PCDH15: variants seen among roughly 807,000 people sequenced by gnomAD.
The protein encoded by PCDH15 is protocadherin-15.
In PCDH15, 129 loss-of-function variants were observed where a neutral mutation model predicts 178.5. The ratio of observed to expected loss-of-function variants is 0.72; its 90% confidence interval spans 0.63 to 0.84. The LOEUF is 0.84. Among genes scored for constraint, PCDH15 ranks in the 40% least tolerant of loss-of-function variants. PCDH15 has a pLI of 0.00. For synonymous variants in PCDH15, 800 were observed against 732.0 expected (o/e 1.09, Z -1.50); for missense variants, 2,230 against 2,099.9 (o/e 1.06, Z -1.21).
chr10:54,489,005 G>T (rs1322257974), intron 3 of PCDH15, among the ~76,000 whole-genome samples: 1 of 151,916 alleles, frequency 6.6e-6, no homozygotes, highest in Non-Finnish European at 1.5e-5. Flanking sequence ...TACTTAGTCT[G>T]ATTTTAACAA....
At chr10:54,853,283 A>ATGTG (rs770984436) in intron 3 of PCDH15, among the ~76,000 whole-genome samples, 4,474 of 75,056 alleles carry the variant, frequency 0.06, 259 homozygotes, top group African/African-American at 0.17. Context: ...ATGTGTATGT[A>ATGTG]TGTGTGTATA....
At position 54,535,526 on chromosome 10, in the gene PCDH15, T is replaced by C. The variant is rs555981402; in HGVS notation, c.92-7649A>G. 1.1e-3 allele frequency among the ~76,000 whole-genome samples: 166 copies of C among 151,824 alleles called. 1 individual carries two copies. Among genetic ancestry groups the C allele is most frequent in the Middle Eastern group, 3.4e-3 (1 of 294 alleles). Reference sequence around the variant, plus strand: ...GAGATCGAGACCATCCTGGCTAACATGGTGAAACCCCATCTCTACTAAAAA... The same window carrying C: ...GAGATCGAGACCATCCTGGCTAACACGGTGAAACCCCATCTCTACTAAAAA... On this transcript the variant is annotated intron_variant, in intron 2 of 37. Coordinates refer to ENST00000644397, the MANE Select transcript of PCDH15 (RefSeq NM_001384140.1).
intron 28 of PCDH15, among the ~76,000 whole-genome samples, chr10:53,841,548 T>C (rs1468397159): frequency 6.6e-6 from 1 of 152,202 alleles, no homozygotes; most frequent in African/African-American, 2.4e-5. Context: ...ATGAGGTTAC[T>C]AAACTTTGGA....
chr10:54,894,133 T>G (rs1271636308), intron 3 of PCDH15, among the ~76,000 whole-genome samples: 3 of 152,116 alleles, frequency 2.0e-5, no homozygotes, highest in Non-Finnish European at 4.4e-5. Flanking sequence ...TCTTGTCCCA[T>G]AGAAACATAG....
At chr10:55,244,196 T>C (rs1841628666) in intron 1 of PCDH15, among the ~76,000 whole-genome samples, 2 of 152,078 alleles carry the variant, frequency 1.3e-5, no homozygotes, top group African/African-American at 4.8e-5. Context: ...TCCATTTCCT[T>C]GTCAAATTGT....
chr10:54,047,361 T>A (rs2093676552), intron 18 of PCDH15, among the ~76,000 whole-genome samples: 1 of 149,234 alleles, frequency 6.7e-6, no homozygotes, highest in Non-Finnish European at 1.5e-5. Flanking sequence ...CACACTGCTG[T>A]GTGTGGTGGG....
At chr10:55,489,913 G>A (rs975614467) in intron 2 of PCDH15, among the ~76,000 whole-genome samples, 2 of 151,444 alleles carry the variant, frequency 1.3e-5, no homozygotes, top group Admixed American at 1.3e-4. Context: ...AACTTAGAAA[G>A]AAGTGTCCAA....
intron 3 of PCDH15, among the ~76,000 whole-genome samples, chr10:54,409,597 T>A (rs781105402): frequency 2.6e-5 from 4 of 152,264 alleles, no homozygotes; most frequent in Admixed American, 2.0e-4. Context: ...TTCACTGCTA[T>A]AACTATTTAC....
At chr10:55,100,032 T>C (rs1284819471) in intron 2 of PCDH15, among the ~76,000 whole-genome samples, 1 of 152,148 alleles carries the variant, frequency 6.6e-6, no homozygotes, top group Non-Finnish European at 1.5e-5. Flanking sequence ...ACACATTCAA[T>C]ACAATTTCCT....
intron 2 of PCDH15, among the ~76,000 whole-genome samples, chr10:54,959,854 G>C (rs1219982879): frequency 6.6e-6 from 1 of 152,076 alleles, no homozygotes; most frequent in Non-Finnish European, 1.5e-5. Context: ...TAGAACAAAA[G>C]TGACTGAAGA....
intron 3 of PCDH15, among the ~76,000 whole-genome samples, chr10:54,496,389 G>A (rs1290155085): frequency 6.6e-6 from 1 of 151,888 alleles, no homozygotes; most frequent in Non-Finnish European, 1.5e-5. Flanking sequence ...TGAAATTAAG[G>A]TCTGGGGTTT....
intron 2 of PCDH15, among the ~76,000 whole-genome samples, chr10:55,516,881 T>C (rs1429528038): frequency 6.6e-6 from 1 of 152,142 alleles, no homozygotes; most frequent in Non-Finnish European, 1.5e-5. Context: ...AAACTGCTCC[T>C]CTGTAATTTT....
At chr10:54,182,989 G>GTTTTTGTTTTTGT (rs2048139239) in intron 13 of PCDH15, among the ~76,000 whole-genome samples, 2 of 149,948 alleles carry the variant, frequency 1.3e-5, no homozygotes, top group Admixed American at 1.3e-4. Context: ...TTTTGTTTTT[G>GTTTTTGTTTTTGT]TTTTTTTTTG....
intron 18 of PCDH15, among the ~76,000 whole-genome samples, chr10:54,061,798 G>T (rs1234432179): frequency 1.6e-5 from 2 of 128,404 alleles, no homozygotes; most frequent in Non-Finnish European, 3.3e-5. Context: ...TGAATAAAAA[G>T]ATAAACATTA....
chr10:55,530,919 A>G (rs1294732856), intron 2 of PCDH15, among the ~76,000 whole-genome samples: 1 of 152,054 alleles, frequency 6.6e-6, no homozygotes, highest in African/African-American at 2.4e-5. Flanking sequence ...TCAACTATAC[A>G]TTCAGTGATG....
chr10:54,999,302 GA>G (rs752314465), intron 2 of PCDH15, among the ~76,000 whole-genome samples: 32 of 72,064 alleles, frequency 4.4e-4, no homozygotes, highest in East Asian at 1.6e-3. Flanking sequence ...AATAAATAAA[GA>G]AAATTTTTTT....
At chr10:55,434,623 T>TG in intron 2 of PCDH15, among the ~76,000 whole-genome samples, 1 of 151,812 alleles carries the variant, frequency 6.6e-6, no homozygotes, top group South Asian at 2.1e-4. Context: ...TTTTTTTTTT[T>TG]GAGACAGAGT....
chr10:55,026,874 A>C (rs1840488557), intron 2 of PCDH15, among the ~76,000 whole-genome samples: 1 of 152,016 alleles, frequency 6.6e-6, no homozygotes, highest in South Asian at 2.1e-4. Flanking sequence ...AGGAGACAGG[A>C]AAGAAATGAC....
chr10:54,491,803 T>C (rs1360889310), intron 3 of PCDH15, among the ~76,000 whole-genome samples: 1 of 152,136 alleles, frequency 6.6e-6, no homozygotes, highest in African/African-American at 2.4e-5. Context: ...GTCTTTGCTA[T>C]CCCTTTTAGG....
Sources: gnomAD v4.1 joint callset for allele counts (sites outside exome capture counted in the v4.1 genomes callset) on GRCh38, gnomAD v4.1.1 for gene constraint, MANE v1.5 for transcripts, NCBI Gene and HGNC (gene_info 2026-07-23, HGNC 2026-07-21) for gene names.